The following METTL14 variants were observed in gnomAD, a reference collection of about 807,000 sequenced individuals.
The protein encoded by METTL14 is methyltransferase 14, N6-adenosine-methyltransferase non-catalytic subunit, also known as N(6)-adenosine-methyltransferase non-catalytic subunit METTL14.
METTL14 carries 32 observed loss-of-function variants against 62.4 expected under a neutral mutation model. The ratio of observed to expected loss-of-function variants is 0.51; its 90% CI spans 0.39 to 0.69. METTL14 has a LOEUF of 0.69. METTL14 is among the 30% of genes least tolerant of loss of function. The probability of loss-of-function intolerance (pLI) is 0.00; values close to 1 mark genes in which losing one functional copy is unlikely to be tolerated. For synonymous variants in METTL14, 150 were observed against 180.0 expected (o/e 0.83, Z 1.34); for missense variants, 340 against 551.9 (o/e 0.62, Z 3.85).
rs1179969224 is a variant in METTL14 at position 118,714,562 on chromosome 4, G to T, written c.*4260G>T. On this transcript the variant is annotated 3_prime_UTR_variant, in exon 11 of 11. Coordinates refer to ENST00000388822, the MANE Select transcript of METTL14 (RefSeq NM_020961.4). ...ATAGAACTAAAAAAAATTTAACTTGGCTAACAAAATACCACATGCATATTT... is the reference window on the plus strand; with the variant it reads ...ATAGAACTAAAAAAAATTTAACTTGTCTAACAAAATACCACATGCATATTT... 2 of 152,058 alleles carry T rather than the reference G, an allele frequency of 1.3e-5. No individual in the cohort carries two copies. The highest frequency in any genetic ancestry group is 4.8e-5 in the African/African-American group (2 of 41,396). The allele number at this position is 152,058 out of a possible 1,614,324, so 9.4% of individuals were successfully genotyped here.
intron 1 of METTL14, among the ~76,000 whole-genome samples, chr4:118,686,869 T>C (rs776268481): frequency 1.3e-5 from 2 of 152,258 alleles, no homozygotes; most frequent in Non-Finnish European, 2.9e-5. Context: ...TTGGTTGCAC[T>C]CTACTTAGCC....
In METTL14 at chr4:118,685,398, C is replaced by G. The variant is rs568037846; in HGVS notation, c.-137C>G. ...CCAATTCCGGCCGCGCCGGAAGTCT[C>G]TACTGAGGAAAGCTATGAGGATACT... On this transcript the variant is annotated 5_prime_UTR_variant, in exon 1 of 11. Transcript: ENST00000388822. The G allele has an allele frequency of 6.5e-4, 560 of 868,066 alleles. No individual in the cohort carries two copies. The highest frequency in any genetic ancestry group is 9.7e-4 in the Non-Finnish European group (513 of 530,072). 53.8% of individuals were successfully genotyped at this position (868,066 alleles called of 1,614,324 possible). A position where few individuals can be genotyped will look rare whatever the true frequency, so the allele number is the denominator to read the frequency against.
rs780095145 is a variant in METTL14, at chr4:118,710,050, A to G, written c.1119A>G (p.Thr373=). ...TLTNSNYNAE[T]YASYFSAPNS... ...CAAATAGCAACTACAATGCAGAAAC[A>G]TATGCATCCTATTTCAGTGCTCCTA... The change falls in exon 11 of 11, where the codon ACA becomes ACG. Residue 373 remains threonine (T), a synonymous_variant. Transcript: ENST00000388822. 6.5e-5 allele frequency: 105 copies of G among 1,614,062 alleles called. No homozygotes were observed. The Admixed American group carries it at 9.7e-4, about 15-fold the overall frequency.
rs139731801 is a variant in METTL14, at chr4:118,704,886, A to G, written c.856-725A>G. Among the ~76,000 whole-genome samples the G allele has an allele frequency of 2.0e-3, 297 of 152,300 alleles. 1 individual carries two copies. The highest frequency in any genetic ancestry group is 6.7e-3 in the African/African-American group (278 of 41,576). On this transcript the variant is annotated intron_variant, in intron 9 of 10. Coordinates refer to ENST00000388822, the MANE Select transcript of METTL14 (RefSeq NM_020961.4). ...AGCTGGTTGGTCAGAAGCACAGGTG[A>G]CAATCTGGACTTGTGATTGGTATCT...
intron 8 of METTL14, among the ~76,000 whole-genome samples, chr4:118,702,976 T>TATC (rs1206638094): frequency 1.4e-5 from 2 of 145,512 alleles, no homozygotes; most frequent in Non-Finnish European, 3.0e-5. Context: ...TTATTATTAT[T>TATC]ATACTTTAAG....
At chr4:118,691,887 C>A in intron 4 of METTL14, 94 bp from the exon 5 acceptor site, 2 of 778,860 alleles carry the variant, frequency 2.6e-6, no homozygotes, top group South Asian at 1.8e-5. Flanking sequence ...CAATTGATTG[C>A]ATTTTATATC....
intron 3 of METTL14, among the ~76,000 whole-genome samples, chr4:118,690,302 T>C (rs1724207956): frequency 6.6e-6 from 1 of 151,628 alleles, no homozygotes; most frequent in Non-Finnish European, 1.5e-5. Flanking sequence ...CCTCCCAAAG[T>C]GCTGGGATTA....
intron 5 of METTL14, among the ~76,000 whole-genome samples, chr4:118,692,338 C>T (rs528054382): frequency 5.3e-5 from 8 of 151,384 alleles, no homozygotes; most frequent in Admixed American, 2.0e-4. Context: ...GAGCGATTCT[C>T]CTGCCTCAGC....
intron 3 of METTL14, among the ~76,000 whole-genome samples, chr4:118,689,767 C>T (rs1159646341): frequency 3.3e-5 from 5 of 151,748 alleles, no homozygotes; most frequent in Non-Finnish European, 7.4e-5. Context: ...CCTCAGCCTC[C>T]CAAGTAGCTG....
chr4:118,704,120 A>G (rs1386543421), intron 9 of METTL14, 69 bp downstream of exon 9: 7 of 832,900 alleles, frequency 8.4e-6, no homozygotes, highest in Non-Finnish European at 1.2e-5. Flanking sequence ...AAATAACTGT[A>G]TACTGTTTAA....
chr4:118,713,155 C>T lies in METTL14; in HGVS notation c.*2853C>T, dbSNP rs1724971510. On this transcript the variant is annotated 3_prime_UTR_variant, in exon 11 of 11. Coordinates refer to ENST00000388822, the MANE Select transcript of METTL14 (RefSeq NM_020961.4). ...CCAGAGTTGAGAGGGATCACTACTG[C>T]AGCAGTTCTGCTCTGTTACTCTGGT... 1 of 152,142 alleles carries T rather than the reference C, an allele frequency of 6.6e-6. No individual in the cohort carries two copies. The highest frequency in any genetic ancestry group is 2.4e-5 in the African/African-American group (1 of 41,406). The allele number at this position is 152,142 out of a possible 1,614,324, so 9.4% of individuals were successfully genotyped here. A position where few individuals can be genotyped will look rare whatever the true frequency, so the allele number is the denominator to read the frequency against.
In METTL14 at chr4:118,685,531, G is replaced by C. The variant is rs1724018767; in HGVS notation, c.-4G>C. Reference sequence around the variant, plus strand: ...TCGGGATAGTGAAAAGCCGGAGTTGGAACATGGATAGCCGCTTGCAGGAGA... The same window carrying C: ...TCGGGATAGTGAAAAGCCGGAGTTGCAACATGGATAGCCGCTTGCAGGAGA... On this transcript the variant is annotated 5_prime_UTR_variant, in exon 1 of 11. Transcript: ENST00000388822. The C allele has an allele frequency of 1.2e-6, 2 of 1,613,984 alleles. No homozygotes were observed. Among genetic ancestry groups the C allele is most frequent in the African/African-American group, 1.3e-5 (1 of 74,912 alleles).
Position 118,714,699 on chromosome 4 carries a change from G to C in METTL14, c.*4397G>C, listed in dbSNP as rs1725006661. 1 of 152,250 alleles carries C rather than the reference G, an allele frequency of 6.6e-6. No homozygotes were observed. Among genetic ancestry groups the C allele is most frequent in the Non-Finnish European group, 1.5e-5 (1 of 68,116 alleles). The allele number at this position is 152,250 out of a possible 1,614,324, so 9.4% of individuals were successfully genotyped here. A position where few individuals can be genotyped will look rare whatever the true frequency, so the allele number is the denominator to read the frequency against. ...CCTCCAGGGTTGAAGCGATTCTTCTGCCTCAGCCTCCTGAGTAGCTGGAAT... is the reference window on the plus strand; with the variant it reads ...CCTCCAGGGTTGAAGCGATTCTTCTCCCTCAGCCTCCTGAGTAGCTGGAAT... On this transcript the variant is annotated 3_prime_UTR_variant, in exon 11 of 11. Coordinates refer to ENST00000388822, the MANE Select transcript of METTL14 (RefSeq NM_020961.4).
chr4:118,690,860 T>C (rs955486490), intron 3 of METTL14, among the ~76,000 whole-genome samples: 1 of 152,168 alleles, frequency 6.6e-6, no homozygotes, highest in African/African-American at 2.4e-5. Flanking sequence ...ATTGTAGAAA[T>C]ATTTCTGAAA....
At chr4:118,702,118 C>T (rs919186559) in intron 8 of METTL14, among the ~76,000 whole-genome samples, 167 of 128,618 alleles carry the variant, frequency 1.3e-3, no homozygotes, top group African/African-American at 4.4e-3. Context: ...AGGTTTTTAT[C>T]TTTTTTTTTT....
Position 118,710,453 on chromosome 4 carries a change from G to A in METTL14, c.*151G>A. ...AAGAATGTCTTAGCGAGCCTTGCTTGCAGTTGTCACACACACTGTCTGGTT... is the reference window on the plus strand; with the variant it reads ...AAGAATGTCTTAGCGAGCCTTGCTTACAGTTGTCACACACACTGTCTGGTT... On this transcript the variant is annotated 3_prime_UTR_variant, in exon 11 of 11. Transcript: ENST00000388822. 1.4e-6 allele frequency: 1 copy of A among 739,452 alleles called. No individual in the cohort carries two copies. Among genetic ancestry groups the A allele is most frequent in the Non-Finnish European group, 2.2e-6 (1 of 464,654 alleles). 45.8% of individuals were successfully genotyped at this position (739,452 alleles called of 1,614,324 possible).
intron 4 of METTL14, 51 bp downstream of exon 4, chr4:118,691,663 A>C (rs978514876): frequency 1.1e-6 from 1 of 889,550 alleles, no homozygotes; most frequent in African/African-American, 1.8e-5. Context: ...TAAGTTCTAT[A>C]CCTGAAAAGA....
intron 8 of METTL14, among the ~76,000 whole-genome samples, chr4:118,702,180 T>A (rs1724614676): frequency 1.3e-5 from 2 of 148,448 alleles, no homozygotes; most frequent in African/African-American, 5.0e-5. Flanking sequence ...AGTGCAGTGG[T>A]GCGATCTTGG....
intron 8 of METTL14, among the ~76,000 whole-genome samples, chr4:118,702,971 A>ATTATTG (rs1553981944): frequency 0.015 from 2,187 of 144,878 alleles, 65 homozygotes; most frequent in African/African-American, 0.052. Flanking sequence ...TATTATTATT[A>ATTATTG]TTATTATACT....
Sources: gnomAD v4.1 joint callset for allele counts (sites outside exome capture counted in the v4.1 genomes callset) on GRCh38, gnomAD v4.1.1 for gene constraint, MANE v1.5 for transcripts, NCBI Gene and HGNC (gene_info 2026-07-23, HGNC 2026-07-21) for gene names.